Variants in PLCXD2 observed in about 807,000 individuals in gnomAD.
PLCXD2 encodes phosphatidylinositol specific phospholipase C X domain containing 2.
In PLCXD2, 21 loss-of-function variants were observed where a neutral mutation model predicts 28.6. That is an observed-to-expected ratio of 0.73 (90% CI 0.52 to 1.06). The LOEUF is 1.06. Ranked by LOEUF, PLCXD2 falls within the 50% of genes least tolerant of loss-of-function variation. The probability of loss-of-function intolerance (pLI) is 0.00; values close to 1 mark genes in which losing one functional copy is unlikely to be tolerated. For missense variants in PLCXD2, 369 were observed against 376.7 expected, an observed-to-expected ratio of 0.98 and a Z score of 0.17; for synonymous variants, 140 against 150.1, an observed-to-expected ratio of 0.93 and a Z score of 0.49.
chr3:111,694,423 G>C (rs76562684), intron 1 of PLCXD2, among the ~76,000 whole-genome samples: 1 of 151,766 alleles, frequency 6.6e-6, no homozygotes, highest in Non-Finnish European at 1.5e-5. Context: ...TTCTCTTATC[G>C]CATGTTCATT....
chr3:111,726,232 C>T (rs979806819), intron 3 of PLCXD2: 2 of 180,502 alleles, frequency 1.1e-5, no homozygotes, highest in Admixed American at 6.2e-5. Context: ...ACACTTCAGT[C>T]GTGAATCTAC....
At chr3:111,708,617 T>C (rs1052425191) in intron 2 of PLCXD2, among the ~76,000 whole-genome samples, 19 of 152,180 alleles carry the variant, frequency 1.2e-4, no homozygotes, top group Non-Finnish European at 2.8e-4. Flanking sequence ...TGACATCTAA[T>C]TGACTTTTAG....
chr3:111,726,093 C>G, intron 3 of PLCXD2: 1 of 385,080 alleles, frequency 2.6e-6, no homozygotes, highest in Non-Finnish European at 4.6e-6. Flanking sequence ...ATACTTAATT[C>G]AAATAGCAGG....
intron 3 of PLCXD2, among the ~76,000 whole-genome samples, chr3:111,717,658 A>C (rs1221102569): frequency 6.6e-6 from 1 of 152,166 alleles, no homozygotes; most frequent in Non-Finnish European, 1.5e-5. Context: ...CAAGGTGAGG[A>C]GGCTCTGGCT....
intron 1 of PLCXD2, among the ~76,000 whole-genome samples, chr3:111,683,804 A>G (rs1940752809): frequency 6.6e-6 from 1 of 152,162 alleles, no homozygotes; most frequent in African/African-American, 2.4e-5. Context: ...AAGACTAGGG[A>G]GGCCTCCTGG....
At chr3:111,720,222 T>C (rs1178792443) in intron 3 of PLCXD2, among the ~76,000 whole-genome samples, 2 of 152,216 alleles carry the variant, frequency 1.3e-5, no homozygotes, top group Admixed American at 6.5e-5. Flanking sequence ...TTTTTCTTTT[T>C]TTTCAGACAG....
At chr3:111,726,806 AT>A (rs926937783) in intron 3 of PLCXD2, 40 of 152,298 alleles carry the variant, frequency 2.6e-4, no homozygotes, top group African/African-American at 9.4e-4. Context: ...GTGAAAAAAA[AT>A]ATGATGACCT....
At chr3:111,719,850 G>A (rs1014967870) in intron 3 of PLCXD2, among the ~76,000 whole-genome samples, 2 of 152,112 alleles carry the variant, frequency 1.3e-5, no homozygotes, top group African/African-American at 2.4e-5. Flanking sequence ...GTCAAAACTC[G>A]GCAAGTGTAC....
intron 1 of PLCXD2, among the ~76,000 whole-genome samples, chr3:111,681,109 T>C (rs1006618885): frequency 6.6e-6 from 1 of 152,180 alleles, no homozygotes; most frequent in Non-Finnish European, 1.5e-5. Flanking sequence ...GTGTTCTCTG[T>C]CTGATCAGAT....
intron 1 of PLCXD2, among the ~76,000 whole-genome samples, chr3:111,676,403 G>C (rs1372945274): frequency 6.6e-6 from 1 of 152,106 alleles, no homozygotes; most frequent in Admixed American, 6.5e-5. Context: ...TTGTTTGTTT[G>C]TTTTTGGTGG....
rs148866267 is a variant in PLCXD2 at position 111,684,653 on chromosome 3, T to TA, written c.163+9259dup. Among the ~76,000 whole-genome samples, 364 of 141,950 alleles carry TA rather than the reference T, an allele frequency of 2.6e-3. 1 individual carries two copies. Among genetic ancestry groups the TA allele is most frequent in the African/African-American group, 6.4e-3 (247 of 38,674 alleles). The allele number at this position is 141,950 out of a possible 152,430, so 93.1% of individuals were successfully genotyped here. A position where few individuals can be genotyped will look rare whatever the true frequency, so the allele number is the denominator to read the frequency against. Reference sequence around the variant, plus strand: ...TGGGCGACGGAACAAAACTCCGTCTTAAAAAAAAAAAAAATAAAGTTAACT... The same window carrying TA: ...TGGGCGACGGAACAAAACTCCGTCTTAAAAAAAAAAAAAAATAAAGTTAACT... On this transcript the variant is annotated intron_variant, in intron 1 of 4. Transcript: ENST00000477665.
chr3:111,712,600 C>T (rs1256642124), intron 2 of PLCXD2, among the ~76,000 whole-genome samples: 1 of 152,188 alleles, frequency 6.6e-6, no homozygotes, highest in African/African-American at 2.4e-5. Flanking sequence ...GTGCAACCAG[C>T]CTGGTGCTCC....
intron 1 of PLCXD2, among the ~76,000 whole-genome samples, chr3:111,693,056 A>AT (rs1218473168): frequency 6.6e-6 from 1 of 152,126 alleles, no homozygotes; most frequent in African/African-American, 2.4e-5. Flanking sequence ...CTATGCCACC[A>AT]TTTTTTGTTA....
chr3:111,710,655 G>T (rs768480895), intron 2 of PLCXD2, among the ~76,000 whole-genome samples: 1 of 152,204 alleles, frequency 6.6e-6, no homozygotes, highest in African/African-American at 2.4e-5. Context: ...TTCACAACTG[G>T]TGTTGTATAT....
intron 3 of PLCXD2, 117 bp downstream of exon 3, chr3:111,714,245 CA>C: frequency 7.5e-7 from 1 of 1,333,732 alleles, no homozygotes; most frequent in African/African-American, 1.5e-5. Flanking sequence ...AACAACAAAA[CA>C]AGCAAAAAAC....
chr3:111,709,621 T>A (rs1941172526), intron 2 of PLCXD2, among the ~76,000 whole-genome samples: 1 of 152,134 alleles, frequency 6.6e-6, no homozygotes, highest in Non-Finnish European at 1.5e-5. Flanking sequence ...AGAGGCTTCA[T>A]TGAAAAGATG....
intron 3 of PLCXD2, among the ~76,000 whole-genome samples, chr3:111,717,939 C>G (rs1941290323): frequency 6.6e-6 from 1 of 152,042 alleles, no homozygotes; most frequent in Non-Finnish European, 1.5e-5. Context: ...GTTTCTTACT[C>G]CCAGCCACCA....
Position 111,675,215 on chromosome 3 carries a change from G to A in PLCXD2, c.-31G>A. 6.2e-7 allele frequency: 1 copy of A among 1,605,994 alleles called. No individual in the cohort carries two copies. Among genetic ancestry groups the A allele is most frequent in the Non-Finnish European group, 8.5e-7 (1 of 1,174,222 alleles). On this transcript the variant is annotated 5_prime_UTR_variant, in exon 1 of 5. Transcript: ENST00000477665. ...ATGATCACTGAGTGAGTGGCACTGG[G>A]CTGAGACTGGCCAGTTTGTTAACAA...
At chr3:111,675,956 C>T (rs1053993946) in intron 1 of PLCXD2, among the ~76,000 whole-genome samples, 1 of 152,166 alleles carries the variant, frequency 6.6e-6, no homozygotes, top group Non-Finnish European at 1.5e-5. Flanking sequence ...AGACTCTCAT[C>T]ACAGGCAGTC....
Sources: gnomAD v4.1 joint callset for allele counts (sites outside exome capture counted in the v4.1 genomes callset) on GRCh38, gnomAD v4.1.1 for gene constraint, MANE v1.5 for transcripts, NCBI Gene and HGNC (gene_info 2026-07-23, HGNC 2026-07-21) for gene names.